The following ESCO1 variants were observed in gnomAD, a reference collection of about 807,000 sequenced individuals.
ESCO1 encodes the protein establishment of sister chromatid cohesion N-acetyltransferase 1.
Under a neutral mutation model 83.5 loss-of-function variants are expected in ESCO1, and 33 were observed. The observed-to-expected ratio is 0.40, with a 90% confidence interval of 0.30 to 0.53. ESCO1 has a LOEUF of 0.53. ESCO1 is among the 20% of genes least tolerant of loss of function. The probability of loss-of-function intolerance (pLI) is 0.63; values close to 1 mark genes in which losing one functional copy is unlikely to be tolerated. For missense variants in ESCO1, 855 were observed against 968.0 expected (o/e 0.88, Z 1.55); for synonymous variants, 332 against 324.3 (o/e 1.02, Z -0.25).
At chr18:21,579,020 C>T (rs144121546) in intron 2 of ESCO1, among the ~76,000 whole-genome samples, 166 of 152,202 alleles carry the variant, frequency 1.1e-3, no homozygotes, top group African/African-American at 3.8e-3. Context: ...ACCACTACAC[C>T]GGCTAATTTT....
intron 11 of ESCO1, among the ~76,000 whole-genome samples, chr18:21,531,579 G>A (rs1482255399): frequency 6.6e-6 from 1 of 152,198 alleles, no homozygotes; most frequent in Non-Finnish European, 1.5e-5. Context: ...CAGCACTTTG[G>A]GAGGCCAGGG....
chr18:21,557,417 T>C lies in ESCO1; in HGVS notation c.1953+3442A>G, dbSNP rs538686006. Among the ~76,000 whole-genome samples the C allele has an allele frequency of 5.3e-5, 8 of 152,368 alleles. No individual in the cohort carries two copies. The South Asian group carries it at 6.2e-4, about 12-fold the overall frequency. On this transcript the variant is annotated intron_variant, in intron 8 of 11. Coordinates refer to ENST00000269214, the MANE Select transcript of ESCO1 (RefSeq NM_052911.3). ...ATCTATGTTCATTTTAAAAATCAAA[T>C]CTTAACTCTTTCCTGTCTATGAAAA... is the stretch of plus-strand genomic sequence containing the variant.
intron 10 of ESCO1, 41 bp from the exon 11 acceptor site, chr18:21,532,701 A>G (rs976401379): frequency 1.3e-6 from 2 of 1,588,522 alleles, no homozygotes; most frequent in African/African-American, 2.7e-5. Context: ...AAGTGAGATT[A>G]TTAATTAGCA....
chr18:21,599,700 C>G (rs1200415471), intron 1 of ESCO1, among the ~76,000 whole-genome samples: 3 of 152,130 alleles, frequency 2.0e-5, no homozygotes, highest in Non-Finnish European at 4.4e-5. Flanking sequence ...GCTTGAGCTC[C>G]TTCCTCCTCC....
chr18:21,538,546 T>C (rs1286499542), intron 9 of ESCO1, among the ~76,000 whole-genome samples: 2 of 152,194 alleles, frequency 1.3e-5, no homozygotes, highest in African/African-American at 4.8e-5. Flanking sequence ...TCTAAGATTG[T>C]CCATTCGGAT....
At position 21,574,498 on chromosome 18, in the gene ESCO1, C is replaced by G; in HGVS notation, c.346G>C (p.Glu116Gln). The G allele has an allele frequency of 6.2e-7, 1 of 1,614,060 alleles. No individual in the cohort carries two copies. ...CTTTGTGATCTCCGGTTAAGCTGTT[C>G]ATTTGCTTTAGGGTTTTCATGTACT... ...KLVHENPKAN[E>Q]QLNRRSQRLQ... The change falls in exon 4 of 12, where the codon GAA becomes CAA. Residue 116 changes from glutamate (E) to glutamine (Q), a missense_variant. Coordinates refer to ENST00000269214, the MANE Select transcript of ESCO1 (RefSeq NM_052911.3).
In ESCO1 at chr18:21,566,500, A is replaced by G. The variant is rs541392576; in HGVS notation, c.1646-294T>C. On this transcript the variant is annotated intron_variant, in intron 5 of 11. Transcript: ENST00000269214. ...GACTGAATAATAAGGAAATTGTTTCAATGCCTGCATAATTATATAATCTCT... is the reference window on the plus strand; with the variant it reads ...GACTGAATAATAAGGAAATTGTTTCGATGCCTGCATAATTATATAATCTCT... Among the ~76,000 whole-genome samples the G allele has an allele frequency of 4.1e-3, 624 of 152,314 alleles. 4 individuals are homozygous for G. The highest frequency in any genetic ancestry group is 5.6e-3 in the Non-Finnish European group (379 of 68,030).
intron 7 of ESCO1, among the ~76,000 whole-genome samples, chr18:21,561,362 G>T (rs1025964054): frequency 6.6e-6 from 1 of 152,086 alleles, no homozygotes; most frequent in African/African-American, 2.4e-5. Flanking sequence ...TTGATACAGG[G>T]TCTCACGGTC....
chr18:21,551,192 C>G (rs1038664680), intron 8 of ESCO1, among the ~76,000 whole-genome samples: 3 of 151,646 alleles, frequency 2.0e-5, no homozygotes, highest in African/African-American at 7.3e-5. Context: ...ATGTCCAGGC[C>G]GGGCGCAGTG....
chr18:21,588,652 C>CA (rs566198204), intron 1 of ESCO1, among the ~76,000 whole-genome samples: 64 of 152,240 alleles, frequency 4.2e-4, no homozygotes, highest in African/African-American at 1.4e-3. Context: ...TATGGTGGCT[C>CA]ACGCCTGTAA....
At chr18:21,556,144 C>T (rs2038109735) in intron 8 of ESCO1, among the ~76,000 whole-genome samples, 1 of 151,456 alleles carries the variant, frequency 6.6e-6, no homozygotes, top group African/African-American at 2.4e-5. Flanking sequence ...GTGCCAGATA[C>T]TCAGGAGGCT....
intron 4 of ESCO1, among the ~76,000 whole-genome samples, chr18:21,570,966 A>G (rs1010816726): frequency 2.0e-5 from 3 of 150,366 alleles, no homozygotes; most frequent in Non-Finnish European, 4.4e-5. Flanking sequence ...ACAGAGTGAG[A>G]CTTCATCTCA....
At chr18:21,572,546 T>C (rs2146209320) in intron 4 of ESCO1, among the ~76,000 whole-genome samples, 1 of 152,310 alleles carries the variant, frequency 6.6e-6, no homozygotes, top group Admixed American at 6.5e-5. Context: ...GACATTCTAC[T>C]TGCCAACTAT....
intron 8 of ESCO1, among the ~76,000 whole-genome samples, chr18:21,548,978 C>T (rs1459040881): frequency 1.3e-5 from 2 of 151,884 alleles, no homozygotes; most frequent in African/African-American, 4.8e-5. Flanking sequence ...AAATCTATTC[C>T]CTCCTTATTA....
In ESCO1 at chr18:21,574,782, T is replaced by C; in HGVS notation, c.62A>G (p.Asp21Gly). The C allele has an allele frequency of 6.2e-7, 1 of 1,602,638 alleles. No individual in the cohort carries two copies. The highest frequency in any genetic ancestry group is 8.5e-7 in the Non-Finnish European group (1 of 1,179,360). The change falls in exon 4 of 12, where the codon GAT becomes GGT. Residue 21 changes from aspartate to glycine, a missense_variant. By Grantham distance (94) the Asp-to-Gly change is moderately conservative. This residue lies in a region of ESCO1 where 726 missense variants were observed against 699.5 expected (regional missense o/e 1.04). Coordinates refer to ENST00000269214, the MANE Select transcript of ESCO1 (RefSeq NM_052911.3). ...NSSKVTKKSDDKNSETEIQDS... is the reference protein window; with the variant it reads ...NSSKVTKKSDGKNSETEIQDS... Reference sequence around the variant, plus strand: ...CTGAATTTCTGTTTCTGAATTCTTATCGTCACTTTTTTTAGTAACTTTGGA... The same window carrying C: ...CTGAATTTCTGTTTCTGAATTCTTACCGTCACTTTTTTTAGTAACTTTGGA...
In ESCO1 at chr18:21,592,377, A is replaced by T. The variant is rs1252639499; in HGVS notation, c.-824-7937T>A. 3.1e-4 allele frequency among the ~76,000 whole-genome samples: 3 copies of T among 9,770 alleles called. 1 individual carries two copies. Among genetic ancestry groups the T allele is most frequent in the African/African-American group, 6.6e-4 (3 of 4,544 alleles). 6.4% of individuals were successfully genotyped at this position (9,770 alleles called of 152,430 possible). A position where few individuals can be genotyped will look rare whatever the true frequency, so the allele number is the denominator to read the frequency against. On this transcript the variant is annotated intron_variant, in intron 1 of 11. Coordinates refer to ENST00000269214, the MANE Select transcript of ESCO1 (RefSeq NM_052911.3). ...GACGAGGCGGCTGGCCGGGCGGGGG[A>T]CTGACCCCCCCCACCTCCCTCCCAG...
In ESCO1 at chr18:21,567,983, G is replaced by A; in HGVS notation, c.1642C>T (p.Pro548Ser). The A allele has an allele frequency of 6.2e-7, 1 of 1,606,372 alleles. No individual in the cohort carries two copies. The highest frequency in any genetic ancestry group is 8.5e-7 in the Non-Finnish European group (1 of 1,176,046). The part of the protein sequence containing the change: ...AKIDTGENKF[P>S]GSAPQQHSIL... ...AATAATATTTCCAAAGTATTACCTGGAAATTTATTCTCTCCTGTATCAATT... is the reference window on the plus strand; with the variant it reads ...AATAATATTTCCAAAGTATTACCTGAAAATTTATTCTCTCCTGTATCAATT... Residue 548 changes from proline (P) to serine (S), a missense_variant, in exon 5 of 12, where the codon CCA becomes TCA. By Grantham distance (74) the Pro-to-Ser change is moderately conservative. This residue lies in a region of ESCO1 where 726 missense variants were observed against 699.5 expected (regional missense o/e 1.04). Coordinates refer to ENST00000269214, the MANE Select transcript of ESCO1 (RefSeq NM_052911.3).
intron 1 of ESCO1, among the ~76,000 whole-genome samples, chr18:21,588,001 A>C (rs2038606252): frequency 6.6e-6 from 1 of 151,640 alleles, no homozygotes; most frequent in Admixed American, 6.6e-5. Flanking sequence ...ATGTGAGAGG[A>C]TCACTTGAGT....
intron 11 of ESCO1, among the ~76,000 whole-genome samples, chr18:21,531,722 G>A (rs182470942): frequency 1.3e-5 from 2 of 152,044 alleles, no homozygotes; most frequent in Non-Finnish European, 1.5e-5. Flanking sequence ...GGGAGGCAGA[G>A]GCGAGTGGAT....
Sources: gnomAD v4.1 joint callset for allele counts (sites outside exome capture counted in the v4.1 genomes callset) on GRCh38, gnomAD v4.1.1 for gene constraint, gnomAD v4.1.1 regional missense constraint, MANE v1.5 for transcripts, NCBI Gene and HGNC (gene_info 2026-07-23, HGNC 2026-07-21) for gene names.